The following DIDO1 variants were observed in gnomAD, a reference collection of about 807,000 sequenced individuals.
DIDO1 encodes the protein death inducer-obliterator 1.
Under a neutral mutation model 99.4 loss-of-function variants are expected in DIDO1, and 16 were observed. The ratio of observed to expected loss-of-function variants is 0.16; its 90% confidence interval spans 0.11 to 0.24. DIDO1 has a LOEUF of 0.24. Among genes scored for constraint, DIDO1 ranks in the 10% least tolerant of loss-of-function variants. The pLI is 1.00. For synonymous variants in DIDO1, 1,366 were observed against 1,239.1 expected (o/e 1.10, Z -2.15); for missense variants, 2,996 against 3,014.0 (o/e 0.99, Z 0.14).
At chr20:62,889,358 C>G (rs2064353287) in intron 15 of DIDO1, 2 of 953,756 alleles carry the variant, frequency 2.1e-6, no homozygotes, top group African/African-American at 2.6e-5. Flanking sequence ...GGGGCTCGCT[C>G]AACACCCTAC....
chr20:62,930,488 C>T (rs1215317994), upstream of DIDO1, among the ~76,000 whole-genome samples: 4 of 152,286 alleles, frequency 2.6e-5, no homozygotes, highest in East Asian at 5.8e-4. Context: ...GTTCCAACCC[C>T]AAAGACCTCT....
rs1568846176 is a variant in DIDO1, at chr20:62,895,174, A to AAG, written c.2215-11_2215-10dup. 6.3e-7 allele frequency: 1 copy of AAG among 1,595,072 alleles called. No homozygotes were observed. The highest frequency in any genetic ancestry group is 8.6e-7 in the Non-Finnish European group (1 of 1,163,862). On this transcript the variant is annotated splice_polypyrimidine_tract_variant and intron_variant, in intron 8 of 15. Transcript: ENST00000395343. ...ACACGATGGAAGAGTCCCTATAAAC[A>AAG]AGTATTTTTCATTTACTCAAATAAT... is the stretch of plus-strand genomic sequence containing the variant.
In DIDO1 at chr20:62,879,520, C is replaced by A. The variant is rs1568818389; in HGVS notation, c.6436G>T (p.Asp2146Tyr). ...CTCCTCTCCCGGTTTCTGTCCCAGT[C>A]CCGGCTGGAGTCCTTGTCCCGGTGT... The part of the protein sequence containing the change: ...DRHRDKDSSR[D>Y]WDRNRERSAN... Residue 2146 changes from aspartate (D) to tyrosine (Y), a missense_variant, in exon 16 of 16, where the codon GAC (aspartate) becomes TAC (tyrosine). By Grantham distance (160) the Asp-to-Tyr change is radical. Coordinates refer to ENST00000395343, the MANE Select transcript of DIDO1 (RefSeq NM_001193369.2). The surrounding 1 kb of genome is among the most constrained non-coding windows in gnomAD (Gnocchi z 6.3). The A allele has an allele frequency of 6.3e-7, 1 of 1,599,458 alleles. No individual in the cohort carries two copies. Among genetic ancestry groups the A allele is most frequent in the African/African-American group, 1.3e-5 (1 of 74,916 alleles).
In DIDO1 at chr20:62,901,806, A is replaced by C. The variant is rs139595093; in HGVS notation, c.1588+4081T>G. ...TAAGAATATAACTATGTGTATGTTG[A>C]TGTGTTAACAGAAAAAAAAAAAAAA... On this transcript the variant is annotated intron_variant, in intron 6 of 15. Transcript: ENST00000395343. 1.7e-3 allele frequency among the ~76,000 whole-genome samples: 238 copies of C among 140,150 alleles called. 4 individuals are homozygous for C. The highest frequency in any genetic ancestry group is 6.2e-3 in the African/African-American group (223 of 35,736). The allele number at this position is 140,150 out of a possible 152,430, so 91.9% of individuals were successfully genotyped here. A position where few individuals can be genotyped will look rare whatever the true frequency, so the allele number is the denominator to read the frequency against.
Position 62,921,926 on chromosome 20 carries a change from T to C in DIDO1, c.-200+4513A>G, listed in dbSNP as rs562619656. Among the ~76,000 whole-genome samples, 49 of 149,614 alleles carry C rather than the reference T, an allele frequency of 3.3e-4. 1 individual carries two copies. Among genetic ancestry groups the C allele is most frequent in the African/African-American group, 1.1e-3 (45 of 40,108 alleles). ...ATCCACAATATATATACACTATATA[T>C]GTCCAAAATATATATACACTATATA... On this transcript the variant is annotated intron_variant, in intron 1 of 15. Coordinates refer to ENST00000395343, the MANE Select transcript of DIDO1 (RefSeq NM_001193369.2).
intron 1 of DIDO1, among the ~76,000 whole-genome samples, chr20:62,921,571 G>A (rs1209666079): frequency 2.6e-5 from 4 of 151,982 alleles, no homozygotes; most frequent in Non-Finnish European, 5.9e-5. Context: ...AGAGAATGGG[G>A]TTTCTTCTTT....
intron 1 of DIDO1, among the ~76,000 whole-genome samples, chr20:62,919,003 C>T (rs2065087790): frequency 6.6e-6 from 1 of 152,188 alleles, no homozygotes; most frequent in Non-Finnish European, 1.5e-5. Context: ...GCGACGTGTT[C>T]TCCAGCCACC....
chr20:62,885,127 G>A (rs766342628), intron 15 of DIDO1, among the ~76,000 whole-genome samples: 28 of 152,218 alleles, frequency 1.8e-4, no homozygotes, highest in African/African-American at 4.8e-4. Flanking sequence ...AGCCCACCAC[G>A]CCCTGGGGTG....
chr20:62,889,298 C>T (rs2064351619), intron 15 of DIDO1: 1 of 985,490 alleles, frequency 1.0e-6, no homozygotes, highest in Non-Finnish European at 1.2e-6. Flanking sequence ...GGTGGCCTCC[C>T]TGGGCCCCGT....
At chr20:62,921,908 A>G (rs544527808) in intron 1 of DIDO1, among the ~76,000 whole-genome samples, 47 of 149,490 alleles carry the variant, frequency 3.1e-4, no homozygotes, top group Admixed American at 2.7e-3. Context: ...TATATCCACA[A>G]TATATATACA....
At chr20:62,903,775 T>A (rs2064738512) in intron 6 of DIDO1, among the ~76,000 whole-genome samples, 1 of 152,208 alleles carries the variant, frequency 6.6e-6, no homozygotes, top group Non-Finnish European at 1.5e-5. Flanking sequence ...AGGTGATGTG[T>A]TGGGAAGGTT....
In DIDO1 at chr20:62,911,406, C is replaced by T. The variant is rs1334530807; in HGVS notation, c.207G>A (p.Lys69=). The change falls in exon 3 of 16, where the codon AAG becomes AAA. Residue 69 remains lysine, a synonymous_variant. Coordinates refer to ENST00000395343, the MANE Select transcript of DIDO1 (RefSeq NM_001193369.2). This position sits in a 1 kb window ranked among gnomAD's most constrained non-coding sequence, Gnocchi z 7.0. ...GGAACTGCTCCACGCGCTCAGTGCGCTTGGGCTGCCTCCCACTGCGCCGCA... is the reference window on the plus strand; with the variant it reads ...GGAACTGCTCCACGCGCTCAGTGCGTTTGGGCTGCCTCCCACTGCGCCGCA... ...LSLRRSGRQP[K]RTERVEQFLT... The T allele has an allele frequency of 6.2e-7, 1 of 1,611,620 alleles. No individual in the cohort carries two copies.
At chr20:62,889,278 C>G in intron 15 of DIDO1, 1 of 985,622 alleles carries the variant, frequency 1.0e-6, no homozygotes, top group Non-Finnish European at 1.2e-6. Context: ...AATGGAGGCG[C>G]CGCTCCTCTG....
intron 14 of DIDO1, 39 bp downstream of exon 14, chr20:62,891,948 A>G (rs753337045): frequency 3.8e-6 from 6 of 1,563,106 alleles, no homozygotes; most frequent in Admixed American, 3.8e-5. Flanking sequence ...AATCAACACA[A>G]TTTTCCATGG....
chr20:62,900,525 T>C (rs1456777250), intron 6 of DIDO1, among the ~76,000 whole-genome samples: 1 of 152,176 alleles, frequency 6.6e-6, no homozygotes, highest in Non-Finnish European at 1.5e-5. Flanking sequence ...ACCCATCCAA[T>C]TGCCCCAGTG....
chr20:62,931,285 A>G (rs1338950969), upstream of DIDO1, among the ~76,000 whole-genome samples: 4 of 152,232 alleles, frequency 2.6e-5, no homozygotes, highest in East Asian at 7.7e-4. Context: ...ACATTAATAC[A>G]GAACCATGCT....
Position 62,894,862 on chromosome 20 carries a change from C to G in DIDO1, c.2384G>C (p.Arg795Thr), listed in dbSNP as rs1289239034. The change falls in exon 10 of 16, where the codon AGG (arginine) becomes ACG (threonine). Residue 795 changes from arginine to threonine, a missense_variant. This residue lies in a region of DIDO1 where 898 missense variants were observed against 972.7 expected (regional missense o/e 0.92). Transcript: ENST00000395343. This position sits in a 1 kb window ranked among gnomAD's most constrained non-coding sequence, Gnocchi z 4.4. ...CTCCAGATCGGGGATGGCCTCCTGC[C>G]TGGGGGCCGTCTTCTTGCTTTCATT... ...LHNESKKTAP[R>T]QEAIPDLEDS... The G allele has an allele frequency of 3.7e-6, 6 of 1,614,148 alleles. No individual in the cohort carries two copies. Among genetic ancestry groups the G allele is most frequent in the East Asian group, 2.2e-5 (1 of 44,888 alleles).
intron 1 of DIDO1, among the ~76,000 whole-genome samples, chr20:62,933,681 G>A (rs2065352472): frequency 6.6e-6 from 1 of 152,164 alleles, no homozygotes; most frequent in South Asian, 2.1e-4. Context: ...AACAGCCTGG[G>A]CAACATAGTG....
At chr20:62,937,338 C>T (rs945054468) in intron 1 of DIDO1, among the ~76,000 whole-genome samples, 2 of 152,056 alleles carry the variant, frequency 1.3e-5, no homozygotes, top group African/African-American at 4.8e-5. Context: ...GCGCAAATAC[C>T]CAAGTGCGGC....
Sources: gnomAD v4.1 joint callset for allele counts (sites outside exome capture counted in the v4.1 genomes callset) on GRCh38, gnomAD v4.1.1 for gene constraint, gnomAD v4.1.1 regional missense constraint, Gnocchi (gnomAD v3.1) non-coding constraint, MANE v1.5 for transcripts, NCBI Gene and HGNC (gene_info 2026-07-23, HGNC 2026-07-21) for gene names.